The following BMPR1B variants were observed in gnomAD, a reference collection of about 807,000 sequenced individuals.
BMPR1B encodes bone morphogenetic protein receptor type-1B.
BMPR1B carries 12 observed loss-of-function variants against 59.1 expected under a neutral mutation model. The ratio of observed to expected loss-of-function variants is 0.20; its 90% CI spans 0.13 to 0.33. BMPR1B has a LOEUF of 0.33. BMPR1B is among the 10% of genes least tolerant of loss of function. BMPR1B has a pLI of 1.00. For missense variants in BMPR1B, 550 were observed against 610.9 expected, an observed-to-expected ratio of 0.90 and a Z score of 1.05; for synonymous variants, 237 against 207.3, an observed-to-expected ratio of 1.14 and a Z score of -1.23.
At chr4:95,099,264 C>G (rs1730654507) in intron 3 of BMPR1B, among the ~76,000 whole-genome samples, 1 of 152,170 alleles carries the variant, frequency 6.6e-6, no homozygotes, top group Non-Finnish European at 1.5e-5. Context: ...CCCATTCCTT[C>G]ATTGTTCATT....
intron 1 of BMPR1B, among the ~76,000 whole-genome samples, chr4:94,850,696 C>G (rs6828538): frequency 2.0e-5 from 3 of 151,922 alleles, no homozygotes; most frequent in Non-Finnish European, 4.4e-5. Flanking sequence ...TCAGTGGTAC[C>G]TCTGAGTGTA....
intron 1 of BMPR1B, among the ~76,000 whole-genome samples, chr4:94,837,327 C>G (rs140474170): frequency 7.3e-6 from 1 of 137,390 alleles, no homozygotes; most frequent in South Asian, 2.4e-4. Context: ...GAGGATGGCA[C>G]TGAATCTGTA....
intron 1 of BMPR1B, among the ~76,000 whole-genome samples, chr4:94,789,234 C>T (rs1722876805): frequency 6.6e-6 from 1 of 152,184 alleles, no homozygotes; most frequent in African/African-American, 2.4e-5. Flanking sequence ...CATGAGGCAC[C>T]CACTTACCGA....
At chr4:94,927,487 A>G (rs898160905) in intron 2 of BMPR1B, among the ~76,000 whole-genome samples, 1 of 152,182 alleles carries the variant, frequency 6.6e-6, no homozygotes, top group Non-Finnish European at 1.5e-5. Context: ...GTTTGAGTTT[A>G]TGAAGAAACA....
intron 1 of BMPR1B, among the ~76,000 whole-genome samples, chr4:94,865,058 G>C (rs1726159564): frequency 6.6e-6 from 1 of 151,520 alleles, no homozygotes. Flanking sequence ...CACCCAGGCT[G>C]AAGTGCCATG....
intron 6 of BMPR1B, among the ~76,000 whole-genome samples, chr4:95,116,421 G>GCGCGCGCGCGCGCACACACA: frequency 8.1e-6 from 1 of 123,248 alleles, no homozygotes; most frequent in African/African-American, 3.6e-5. Flanking sequence ...TTCAGCGCGC[G>GCGCGCGCGCGCGCACACACA]CACACACACA....
At chr4:95,149,044 T>A in intron 11 of BMPR1B, 121 bp downstream of exon 11, 1 of 1,293,990 alleles carries the variant, frequency 7.7e-7, no homozygotes, top group South Asian at 1.2e-5. Context: ...CCCCTTTATT[T>A]CTGTTGATGC....
intron 3 of BMPR1B, among the ~76,000 whole-genome samples, chr4:95,033,098 A>G (rs1004067189): frequency 3.3e-5 from 5 of 152,100 alleles, no homozygotes; most frequent in African/African-American, 1.2e-4. Flanking sequence ...GGCAGTTCTT[A>G]TATCTTCCTA....
intron 1 of BMPR1B, among the ~76,000 whole-genome samples, chr4:94,839,331 C>G (rs1446858100): frequency 2.7e-3 from 358 of 131,492 alleles, no homozygotes; most frequent in Middle Eastern, 8.0e-3. Flanking sequence ...CTTTCTGTCT[C>G]GTTGATCTGT....
intron 2 of BMPR1B, among the ~76,000 whole-genome samples, chr4:94,969,668 A>G (rs1015691997): frequency 6.6e-6 from 1 of 152,124 alleles, no homozygotes; most frequent in Non-Finnish European, 1.5e-5. Flanking sequence ...TTTTCTCCTT[A>G]ACATTTATCA....
At chr4:94,851,370 A>G (rs889012425) in intron 1 of BMPR1B, among the ~76,000 whole-genome samples, 35 of 152,202 alleles carry the variant, frequency 2.3e-4, no homozygotes, top group African/African-American at 8.2e-4. Context: ...GTTAATCTCT[A>G]TTTAAGTGAC....
In BMPR1B at chr4:95,104,897, A is replaced by G. The variant is rs112494292; in HGVS notation, c.143+330A>G. 2.6e-3 allele frequency among the ~76,000 whole-genome samples: 387 copies of G among 147,458 alleles called. 1 individual carries two copies. The highest frequency in any genetic ancestry group is 9.1e-3 in the African/African-American group (357 of 39,440). ...ATTAGTTAAACATCAGAGGCTGTCA[A>G]ATGCGTGTGATTTTGTTTGTTTGTT... On this transcript the variant is annotated intron_variant, in intron 4 of 12. Coordinates refer to ENST00000515059, the MANE Select transcript of BMPR1B (RefSeq NM_001203.3).
At chr4:94,846,279 A>G (rs10017575) in intron 1 of BMPR1B, among the ~76,000 whole-genome samples, 93,319 of 152,066 alleles carry the variant, frequency 0.61, 29,650 homozygotes, top group African/African-American at 0.78. Flanking sequence ...AATGAAACAA[A>G]ATTCCTATCT....
intron 1 of BMPR1B, among the ~76,000 whole-genome samples, chr4:94,844,410 C>G (rs1725234838): frequency 6.6e-6 from 1 of 152,068 alleles, no homozygotes; most frequent in Admixed American, 6.6e-5. Flanking sequence ...AACAATGAGG[C>G]CTTAGGATTA....
intron 1 of BMPR1B, among the ~76,000 whole-genome samples, chr4:94,833,934 C>T (rs747963822): frequency 1.3e-5 from 2 of 152,116 alleles, no homozygotes; most frequent in Non-Finnish European, 2.9e-5. Context: ...GTTCTTGAAA[C>T]TTGAGAAAAT....
At chr4:95,086,657 G>A (rs144446355) in intron 3 of BMPR1B, among the ~76,000 whole-genome samples, 196 of 152,296 alleles carry the variant, frequency 1.3e-3, no homozygotes, top group African/African-American at 4.4e-3. Context: ...GAACAATACT[G>A]CTAAGGAATA....
rs747796220 is a variant in BMPR1B, at chr4:95,114,801, A to G, written c.225A>G (p.Glu75=). 2 of 1,612,018 alleles carry G rather than the reference A, an allele frequency of 1.2e-6. No homozygotes were observed. Among genetic ancestry groups the G allele is most frequent in the Non-Finnish European group, 1.7e-6 (2 of 1,178,326 alleles). ...TCACTTCTGGTTGCCTAGGACTAGAAGGCTCAGATTTTCAGTGTCGGGTAA... is the reference window on the plus strand; with the variant it reads ...TCACTTCTGGTTGCCTAGGACTAGAGGGCTCAGATTTTCAGTGTCGGGTAA... ...PVVTSGCLGL[E]GSDFQCRDTP... The change falls in exon 5 of 13, where the codon GAA becomes GAG. Residue 75 remains glutamate, a synonymous_variant. Transcript: ENST00000515059.
chr4:95,047,707 A>C (rs560308563), intron 3 of BMPR1B, among the ~76,000 whole-genome samples: 6 of 152,202 alleles, frequency 3.9e-5, no homozygotes, highest in Non-Finnish European at 5.9e-5. Flanking sequence ...TAAATATATA[A>C]ATTTTTTGAA....
chr4:94,873,404 T>A (rs559097157), intron 1 of BMPR1B, among the ~76,000 whole-genome samples: 1 of 146,602 alleles, frequency 6.8e-6, no homozygotes, highest in African/African-American at 2.7e-5. Flanking sequence ...TTCAAGGCTA[T>A]GAATTCTTTT....
Sources: allele counts gnomAD v4.1 joint callset (sites outside exome capture counted in the v4.1 genomes callset), GRCh38; gene constraint gnomAD v4.1.1; transcripts MANE v1.5; gene names NCBI Gene and HGNC (gene_info 2026-07-23, HGNC 2026-07-21).